The following RCOR1 variants were observed in gnomAD, a reference collection of about 807,000 sequenced individuals.
RCOR1 encodes the protein REST corepressor.
In RCOR1, 12 loss-of-function variants were observed where a neutral mutation model predicts 64.0. The observed-to-expected ratio is 0.19, with a 90% CI of 0.12 to 0.30. The LOEUF is 0.30. RCOR1 is among the 10% of genes least tolerant of loss of function. The pLI is 1.00. For missense variants in RCOR1, 502 were observed against 621.2 expected (o/e 0.81, Z 2.04); for synonymous variants, 279 against 227.2 (o/e 1.23, Z -2.05).
At chr14:102,707,124 AC>A (rs1336678933) in intron 4 of RCOR1, among the ~76,000 whole-genome samples, 1 of 152,188 alleles carries the variant, frequency 6.6e-6, no homozygotes, top group Admixed American at 6.5e-5. Flanking sequence ...ATATTAAAAG[AC>A]ATTATACCTA....
intron 2 of RCOR1, among the ~76,000 whole-genome samples, chr14:102,650,197 CAAAAA>C (rs35233018): frequency 1.2e-5 from 1 of 83,780 alleles, no homozygotes; most frequent in Non-Finnish European, 2.5e-5. Context: ...GACTCCACCG[CAAAAA>C]AAAAAAAAAA....
At chr14:102,642,659 G>A (rs572854559) in intron 2 of RCOR1, among the ~76,000 whole-genome samples, 1 of 152,202 alleles carries the variant, frequency 6.6e-6, no homozygotes, top group South Asian at 2.1e-4. Context: ...AACAAAGTGA[G>A]ACCTCGTCTC....
At chr14:102,593,773 G>A (rs919901791) in intron 2 of RCOR1, among the ~76,000 whole-genome samples, 3 of 152,164 alleles carry the variant, frequency 2.0e-5, no homozygotes, top group African/African-American at 7.2e-5. Flanking sequence ...CCACGCCTTT[G>A]CTCCTCCTCT....
chr14:102,647,975 G>A (rs1595211297), intron 2 of RCOR1, among the ~76,000 whole-genome samples: 1 of 152,144 alleles, frequency 6.6e-6, no homozygotes, highest in South Asian at 2.1e-4. Context: ...CACCATGCTC[G>A]GCCTATTATT....
rs373098385 is a variant in RCOR1, at chr14:102,710,972, A to G, written c.817A>G (p.Ile273Val). The G allele has an allele frequency of 8.7e-6, 14 of 1,609,378 alleles. No homozygotes were observed. The African/African-American group carries it at 1.5e-4, about 17-fold the overall frequency. The change falls in exon 7 of 12, where the codon ATT becomes GTT. Residue 273 changes from isoleucine to valine, a missense_variant. Around this residue, in one of 2 missense-constraint regions of RCOR1, gnomAD observed 260 missense variants for 416.4 expected, o/e 0.62. Transcript: ENST00000262241. ...ELEEANGNNPIDIEVDQNKES... is the reference protein window; with the variant it reads ...ELEEANGNNPVDIEVDQNKES... ...GGAAGAGGCAAATGGAAACAATCCC[A>G]TTGACATTGAGGTTGATCAAAACAA...
chr14:102,680,589 T>G (rs1168278423), intron 2 of RCOR1, among the ~76,000 whole-genome samples: 1 of 152,120 alleles, frequency 6.6e-6, no homozygotes, highest in Non-Finnish European at 1.5e-5. Flanking sequence ...AGGCAGATCA[T>G]GAGGTCAGGA....
intron 2 of RCOR1, among the ~76,000 whole-genome samples, chr14:102,623,095 C>T (rs1893907540): frequency 6.6e-6 from 1 of 152,092 alleles, no homozygotes; most frequent in Non-Finnish European, 1.5e-5. Context: ...AGGTTTTCAT[C>T]CACATCTTAA....
intron 11 of RCOR1, among the ~76,000 whole-genome samples, chr14:102,724,986 T>TGGTC (rs1896232681): frequency 1.3e-5 from 2 of 152,214 alleles, no homozygotes; most frequent in Non-Finnish European, 2.9e-5. Flanking sequence ...AGTAACAGAA[T>TGGTC]GGTCTGTCAG....
Position 102,691,593 on chromosome 14 carries a change from A to T in RCOR1, c.445+9615A>T, listed in dbSNP as rs928136929. Reference sequence around the variant, plus strand: ...TAGAAGAGGTTGAAACTTGTGATTAAAATGAGTCTTTTGAGTGTGTGAAAA... The same window carrying T: ...TAGAAGAGGTTGAAACTTGTGATTATAATGAGTCTTTTGAGTGTGTGAAAA... On this transcript the variant is annotated intron_variant, in intron 3 of 11. Transcript: ENST00000262241. Among the ~76,000 whole-genome samples, 3 of 152,348 alleles carry T rather than the reference A, an allele frequency of 2.0e-5. No individual in the cohort carries two copies. The South Asian group carries it at 6.2e-4, about 32-fold the overall frequency.
chr14:102,595,172 T>C (rs765558540), intron 2 of RCOR1, among the ~76,000 whole-genome samples: 1 of 152,216 alleles, frequency 6.6e-6, no homozygotes, highest in African/African-American at 2.4e-5. Context: ...GGAATAGATA[T>C]GAGCATAAAC....
At chr14:102,610,713 C>G (rs930324739) in intron 2 of RCOR1, among the ~76,000 whole-genome samples, 2 of 152,092 alleles carry the variant, frequency 1.3e-5, no homozygotes, top group African/African-American at 4.8e-5. Flanking sequence ...TAGGCGCCCA[C>G]CACCACGCCC....
At chr14:102,692,710 C>CCTTCCTTCCTTCCT (rs1555466541) in intron 3 of RCOR1, among the ~76,000 whole-genome samples, 1 of 118,684 alleles carries the variant, frequency 8.4e-6, no homozygotes, top group Non-Finnish European at 1.7e-5. Context: ...AACTACATCT[C>CCTTCCTTCCTTCCT]TCCTTCCTTC....
chr14:102,661,797 C>G (rs572695250), intron 2 of RCOR1, among the ~76,000 whole-genome samples: 34 of 152,300 alleles, frequency 2.2e-4, no homozygotes, highest in African/African-American at 7.9e-4. Context: ...TGCTCTGTTG[C>G]CCAGGCTCTA....
chr14:102,698,994 C>T (rs1378482116), intron 3 of RCOR1, among the ~76,000 whole-genome samples: 4 of 152,094 alleles, frequency 2.6e-5, no homozygotes, highest in Non-Finnish European at 4.4e-5. Context: ...TCTTGGCTCA[C>T]TGCAACCTCA....
Position 102,703,229 on chromosome 14 carries a change from C to T in RCOR1, c.498+1899C>T, listed in dbSNP as rs552733358. ...GCCTAAGGTACCCTAGGGACACAATCGGGTGGACTAACATATGCATGTGGA... is the reference window on the plus strand; with the variant it reads ...GCCTAAGGTACCCTAGGGACACAATTGGGTGGACTAACATATGCATGTGGA... On this transcript the variant is annotated intron_variant, in intron 4 of 11. Transcript: ENST00000262241. Among the ~76,000 whole-genome samples the T allele has an allele frequency of 4.6e-5, 7 of 152,224 alleles. No homozygotes were observed. The East Asian group carries it at 7.7e-4, about 17-fold the overall frequency.
chr14:102,644,251 G>C (rs1894433712), intron 2 of RCOR1, among the ~76,000 whole-genome samples: 1 of 152,184 alleles, frequency 6.6e-6, no homozygotes, highest in Admixed American at 6.5e-5. Context: ...AGTATCGCAA[G>C]AAAACTGACT....
At chr14:102,627,438 C>T (rs1179216488) in intron 2 of RCOR1, among the ~76,000 whole-genome samples, 1 of 152,218 alleles carries the variant, frequency 6.6e-6, no homozygotes, top group African/African-American at 2.4e-5. Context: ...TGGCGGATCA[C>T]CTGAGGTCAG....
Position 102,686,921 on chromosome 14 carries a change from T to C in RCOR1, c.445+4943T>C, listed in dbSNP as rs562183598. 7.9e-5 allele frequency among the ~76,000 whole-genome samples: 12 copies of C among 152,342 alleles called. No individual in the cohort carries two copies. In the South Asian group the frequency reaches 2.5e-3, roughly 32 times the overall value. ...TACATCGTTGTTTCAACTGAAATTA[T>C]TGGATTATATTTTTTCCTTCACTTA... On this transcript the variant is annotated intron_variant, in intron 3 of 11. Transcript: ENST00000262241.
intron 3 of RCOR1, among the ~76,000 whole-genome samples, chr14:102,689,843 A>G (rs1051797004): frequency 9.9e-5 from 15 of 152,270 alleles, no homozygotes; most frequent in Middle Eastern, 3.4e-3. Flanking sequence ...TCCCAGGTTC[A>G]AGCTATTCTC....
Sources: allele counts gnomAD v4.1 joint callset (sites outside exome capture counted in the v4.1 genomes callset), GRCh38; gene constraint gnomAD v4.1.1; regional missense constraint gnomAD v4.1.1; transcripts MANE v1.5; gene names NCBI Gene and HGNC (gene_info 2026-07-23, HGNC 2026-07-21).